The following CAPS2 variants were observed in gnomAD, a reference collection of about 807,000 sequenced individuals.
CAPS2 encodes calcyphosine 2, also known as calcyphosin-2.
A neutral mutation model predicts 86.5 loss-of-function variants in CAPS2; 98 were observed. The observed-to-expected ratio is 1.13, with a 90% CI of 0.96 to 1.34. The LOEUF (loss-of-function observed/expected upper bound fraction) is 1.34, where lower values mean the gene tolerates loss of function less well. Among genes scored for constraint, CAPS2 ranks in the 40% most tolerant of loss-of-function variants. The pLI is 0.00. For missense variants in CAPS2, 729 were observed against 686.8 expected, an observed-to-expected ratio of 1.06 and a Z score of -0.69; for synonymous variants, 210 against 225.1, an observed-to-expected ratio of 0.93 and a Z score of 0.60.
chr12:75,345,138 G>A (rs1205848363), intron 1 of CAPS2, among the ~76,000 whole-genome samples: 1 of 151,978 alleles, frequency 6.6e-6, no homozygotes, highest in Non-Finnish European at 1.5e-5. Context: ...CTAAACTTCT[G>A]TGTCCATGGT....
At chr12:75,366,796 T>A (rs1404657394) in intron 1 of CAPS2, 7 of 693,078 alleles carry the variant, frequency 1.0e-5, no homozygotes, top group Non-Finnish European at 1.8e-5. Context: ...TCTTCAGAGG[T>A]CTATCACCTC....
upstream of CAPS2, among the ~76,000 whole-genome samples, chr12:75,330,320 C>A (rs1407524644): frequency 6.6e-6 from 1 of 152,204 alleles, no homozygotes; most frequent in African/African-American, 2.4e-5. Flanking sequence ...TCCCAGGGAA[C>A]CGGCTCCGCG....
intron 1 of CAPS2, among the ~76,000 whole-genome samples, chr12:75,351,019 T>C (rs2042773802): frequency 6.6e-6 from 1 of 152,194 alleles, no homozygotes; most frequent in South Asian, 2.1e-4. Context: ...CTGATGGAGC[T>C]GTAAAACACA....
intron 1 of CAPS2, among the ~76,000 whole-genome samples, chr12:75,376,302 T>C (rs543014969): frequency 1.3e-5 from 2 of 152,318 alleles, no homozygotes; most frequent in South Asian, 2.1e-4. Flanking sequence ...TCTTCCACCA[T>C]TATCCCACAC....
At chr12:75,299,755 T>A in intron 9 of CAPS2, 82 bp downstream of exon 9, 1 of 645,980 alleles carries the variant, frequency 1.5e-6, no homozygotes, top group Non-Finnish European at 2.7e-6. Flanking sequence ...ACCTATATAA[T>A]CTCATTACTG....
exon 8 of CAPS2, chr12:75,304,857 C>G: frequency 6.2e-7 from 1 of 1,611,846 alleles, no homozygotes; most frequent in Non-Finnish European, 8.5e-7. Context: ...AAATTTTGCT[C>G]TGGATCACTG....
intron 1 of CAPS2, chr12:75,390,273 G>A (rs569178759): frequency 6.8e-5 from 31 of 455,988 alleles, no homozygotes; most frequent in African/African-American, 5.8e-4. Context: ...CTAGATATTA[G>A]CCAATTTTGT....
At chr12:75,355,978 G>A (rs1219930066) in intron 1 of CAPS2, among the ~76,000 whole-genome samples, 1 of 152,112 alleles carries the variant, frequency 6.6e-6, no homozygotes, top group Non-Finnish European at 1.5e-5. Flanking sequence ...GGGCCTGTTG[G>A]GGGTAGGGTG....
chr12:75,341,934 G>T (rs1276940577), intron 1 of CAPS2, among the ~76,000 whole-genome samples: 1 of 151,894 alleles, frequency 6.6e-6, no homozygotes, highest in African/African-American at 2.4e-5. Context: ...TTTTAGTAGC[G>T]ATGGGGTTTC....
chr12:75,370,025 C>A, intron 1 of CAPS2: 1 of 1,232,482 alleles, frequency 8.1e-7, no homozygotes, highest in Non-Finnish European at 1.2e-6. Context: ...TAAATTATTT[C>A]CTCCCGTTGA....
intron 11 of CAPS2, among the ~76,000 whole-genome samples, chr12:75,293,585 G>C (rs1307082253): frequency 6.6e-6 from 1 of 152,020 alleles, no homozygotes; most frequent in Non-Finnish European, 1.5e-5. Context: ...CAATCCATGT[G>C]AACAAAAAAG....
chr12:75,331,748 A>G (rs2041334313), upstream of CAPS2, among the ~76,000 whole-genome samples: 1 of 151,914 alleles, frequency 6.6e-6, no homozygotes. Flanking sequence ...TATTTTTAGT[A>G]GAGACAGGGT....
At chr12:75,291,583 A>ATTTT (rs1205753576) in intron 13 of CAPS2, among the ~76,000 whole-genome samples, 161 bp downstream of exon 13, 1 of 78,770 alleles carries the variant, frequency 1.3e-5, no homozygotes, top group Non-Finnish European at 2.8e-5. Context: ...ATATATATAT[A>ATTTT]TATATATATA....
intron 1 of CAPS2, among the ~76,000 whole-genome samples, chr12:75,355,971 C>A (rs1303476462): frequency 6.6e-6 from 1 of 151,956 alleles, no homozygotes; most frequent in Non-Finnish European, 1.5e-5. Context: ...CACACTGGGG[C>A]CTGTTGGGGG....
intron 7 of CAPS2, among the ~76,000 whole-genome samples, chr12:75,309,310 T>C (rs1419513079): frequency 2.0e-5 from 3 of 152,256 alleles, no homozygotes; most frequent in African/African-American, 7.2e-5. Context: ...TTTCACTTAA[T>C]ACACTTCTGC....
chr12:75,368,714 G>A (rs2044160096), intron 1 of CAPS2, among the ~76,000 whole-genome samples: 1 of 151,812 alleles, frequency 6.6e-6, no homozygotes, highest in Admixed American at 6.6e-5. Flanking sequence ...TTAAAAAGTT[G>A]GCATTTGGAC....
chr12:75,283,015 A>C (rs1338309563), intron 15 of CAPS2, among the ~76,000 whole-genome samples: 1 of 152,188 alleles, frequency 6.6e-6, no homozygotes, highest in African/African-American at 2.4e-5. Context: ...GAAACGCATA[A>C]ATGGCCAAAA....
intron 4 of CAPS2, among the ~76,000 whole-genome samples, chr12:75,322,391 G>A (rs2040389567): frequency 6.6e-6 from 1 of 152,172 alleles, no homozygotes; most frequent in South Asian, 2.1e-4. Flanking sequence ...CTTGAAAAGT[G>A]TTGAGGATAG....
upstream of CAPS2, chr12:75,334,649 G>A (rs2041584197): frequency 6.5e-6 from 10 of 1,549,926 alleles, no homozygotes; most frequent in African/African-American, 4.1e-5. Flanking sequence ...GCGTGGTGCG[G>A]GGGCGTGGGG....
Sources: allele counts gnomAD v4.1 joint callset (sites outside exome capture counted in the v4.1 genomes callset), GRCh38; gene constraint gnomAD v4.1.1; transcripts MANE v1.5; gene names NCBI Gene and HGNC (gene_info 2026-07-23, HGNC 2026-07-21).